Variants in NAV2 observed in about 807,000 individuals in gnomAD.
NAV2 encodes neuron navigator 2.
In NAV2, 54 loss-of-function variants were observed where a neutral mutation model predicts 223.2. That is an observed-to-expected ratio of 0.24 (90% confidence interval 0.19 to 0.30). NAV2 has a LOEUF of 0.30. NAV2 is among the 10% of genes least tolerant of loss of function. NAV2 has a pLI of 1.00. For missense variants in NAV2, 2,806 were observed against 3,147.5 expected (o/e 0.89, Z 2.60); for synonymous variants, 1,279 against 1,239.3 (o/e 1.03, Z -0.67).
At chr11:19,468,318 T>G (rs781676742) in intron 1 of NAV2, among the ~76,000 whole-genome samples, 2 of 152,182 alleles carry the variant, frequency 1.3e-5, no homozygotes, top group Non-Finnish European at 2.9e-5. Context: ...CAACAGAAAT[T>G]TATGGTCTCA....
intron 1 of NAV2, among the ~76,000 whole-genome samples, chr11:19,426,233 A>G (rs1460153216): frequency 3.9e-5 from 6 of 152,074 alleles, no homozygotes; most frequent in Admixed American, 6.6e-5. Context: ...ACAGCTCTAG[A>G]TGTAAAGTGT....
At chr11:19,818,805 A>G (rs538031459) in intron 1 of NAV2, among the ~76,000 whole-genome samples, 6 of 152,336 alleles carry the variant, frequency 3.9e-5, no homozygotes, top group Admixed American at 3.9e-4. Context: ...GCCTTTTGCT[A>G]TGACTGGTCT....
At chr11:19,952,427 C>T (rs940811320) in intron 10 of NAV2, among the ~76,000 whole-genome samples, 1 of 152,194 alleles carries the variant, frequency 6.6e-6, no homozygotes, top group East Asian at 1.9e-4. Context: ...GACCAAAATC[C>T]CAGTCGGGGT....
intron 10 of NAV2, among the ~76,000 whole-genome samples, chr11:19,955,391 G>GAA (rs66466771): frequency 2.1e-4 from 31 of 150,196 alleles, no homozygotes; most frequent in East Asian, 5.9e-4. Context: ...CCTTGTCTGA[G>GAA]AAAAAAAAAA....
chr11:19,675,137 G>A (rs2048679915), intron 1 of NAV2, among the ~76,000 whole-genome samples: 1 of 152,076 alleles, frequency 6.6e-6, no homozygotes, highest in East Asian at 1.9e-4. Flanking sequence ...TGGTAAAAAA[G>A]GCCCTGTTCA....
intron 5 of NAV2, among the ~76,000 whole-genome samples, chr11:19,883,192 G>T (rs1250133785): frequency 1.3e-5 from 2 of 152,270 alleles, no homozygotes; most frequent in East Asian, 3.9e-4. Flanking sequence ...ACCCCTGGGG[G>T]GTAGCAAATA....
chr11:19,843,003 A>G (rs1367263910), intron 3 of NAV2, 80 bp downstream of exon 3: 9 of 1,187,880 alleles, frequency 7.6e-6, no homozygotes, highest in African/African-American at 1.5e-5. Context: ...TCTTGAAAAC[A>G]TTCATACCAG....
intron 11 of NAV2, among the ~76,000 whole-genome samples, chr11:20,035,585 C>A (rs538292760): frequency 6.6e-6 from 1 of 152,288 alleles, no homozygotes; most frequent in African/African-American, 2.4e-5. Context: ...TCCTTCCCTG[C>A]ATGCTTTTAG....
chr11:19,899,085 G>A (rs1245506590), intron 6 of NAV2, among the ~76,000 whole-genome samples: 2 of 152,110 alleles, frequency 1.3e-5, no homozygotes, highest in Non-Finnish European at 2.9e-5. Context: ...GAATTCTTCA[G>A]TTGGCGCTGG....
intron 1 of NAV2, among the ~76,000 whole-genome samples, chr11:19,487,647 G>A (rs1225433897): frequency 6.6e-6 from 1 of 152,202 alleles, no homozygotes; most frequent in Non-Finnish European, 1.5e-5. Flanking sequence ...CTGGCCAACA[G>A]CCAGTGAGAA....
At chr11:19,597,817 G>A (rs2046243770) in intron 1 of NAV2, among the ~76,000 whole-genome samples, 1 of 152,230 alleles carries the variant, frequency 6.6e-6, no homozygotes, top group Admixed American at 6.5e-5. Flanking sequence ...GCACAGAACT[G>A]CGAGTTTCAC....
rs148128796 is a variant in NAV2, at chr11:19,875,565, G to A, written c.512-4304G>A. ...ATCTGTATTGCATGATTCTATTTATGCGAAATATCCAGAAAAGGCAAATCT... is the reference window on the plus strand; with the variant it reads ...ATCTGTATTGCATGATTCTATTTATACGAAATATCCAGAAAAGGCAAATCT... On this transcript the variant is annotated intron_variant, in intron 4 of 37. Coordinates refer to ENST00000349880, the MANE Select transcript of NAV2 (RefSeq NM_145117.5). Among the ~76,000 whole-genome samples the A allele has an allele frequency of 4.6e-5, 7 of 152,260 alleles. No homozygotes were observed. In the East Asian group the frequency reaches 1.4e-3, roughly 29 times the overall value.
chr11:20,039,657 C>T (rs1301522229), intron 12 of NAV2, among the ~76,000 whole-genome samples: 4 of 152,264 alleles, frequency 2.6e-5, no homozygotes, highest in Non-Finnish European at 5.9e-5. Context: ...AACTCCCTCA[C>T]ATATTCATCT....
intron 1 of NAV2, among the ~76,000 whole-genome samples, chr11:19,831,308 T>C (rs1354597866): frequency 7.2e-6 from 1 of 139,224 alleles, no homozygotes; most frequent in Non-Finnish European, 1.5e-5. Context: ...AAGAACAGGA[T>C]GGAGGGTGAG....
At chr11:19,740,363 GC>G (rs2052688209) in intron 1 of NAV2, among the ~76,000 whole-genome samples, 1 of 152,124 alleles carries the variant, frequency 6.6e-6, no homozygotes, top group African/African-American at 2.4e-5. Flanking sequence ...CTTGAAGGCA[GC>G]ATGCTCCTTA....
At chr11:19,646,682 A>G (rs937712145) in intron 1 of NAV2, among the ~76,000 whole-genome samples, 1 of 152,126 alleles carries the variant, frequency 6.6e-6, no homozygotes, top group African/African-American at 2.4e-5. Context: ...ATCATACAAC[A>G]ATTTTCAAAT....
intron 1 of NAV2, among the ~76,000 whole-genome samples, chr11:19,409,225 T>C (rs1020698350): frequency 1.3e-5 from 2 of 152,204 alleles, no homozygotes; most frequent in Non-Finnish European, 2.9e-5. Flanking sequence ...GTCTAAATGA[T>C]GCTTGAGGGT....
At chr11:19,710,882 C>T (rs563247940), upstream of NAV2, 1 of 152,304 alleles carries the variant, frequency 6.6e-6, no homozygotes, top group East Asian at 1.9e-4. Flanking sequence ...GCTATTCTGT[C>T]CACAGCTTTA....
chr11:19,657,892 G>A (rs892912135), intron 1 of NAV2, among the ~76,000 whole-genome samples: 5 of 152,070 alleles, frequency 3.3e-5, no homozygotes, highest in African/African-American at 1.2e-4. Context: ...GAGGTATGGG[G>A]AGATAAAGAC....
Sources: gnomAD v4.1 joint callset for allele counts (sites outside exome capture counted in the v4.1 genomes callset) on GRCh38, gnomAD v4.1.1 for gene constraint, MANE v1.5 for transcripts, NCBI Gene and HGNC (gene_info 2026-07-23, HGNC 2026-07-21) for gene names.